Variants in TTC39B observed in about 807,000 individuals in gnomAD.
TTC39B encodes tetratricopeptide repeat domain 39B, also known as tetratricopeptide repeat protein 39B.
Under a neutral mutation model 96.6 loss-of-function variants are expected in TTC39B, and 92 were observed. That is an observed-to-expected ratio of 0.95 (90% confidence interval 0.80 to 1.13). The LOEUF (loss-of-function observed/expected upper bound fraction) is 1.13. Ranked by LOEUF, TTC39B falls within the 50% of genes most tolerant of loss-of-function variation. The pLI is 0.00. For missense variants in TTC39B, 955 were observed against 809.3 expected (o/e 1.18, Z -2.18); for synonymous variants, 367 against 299.4 (o/e 1.23, Z -2.33).
intron 2 of TTC39B, among the ~76,000 whole-genome samples, chr9:15,255,197 T>G (rs1290405733): frequency 6.6e-6 from 1 of 152,094 alleles, no homozygotes; most frequent in African/African-American, 2.4e-5. Flanking sequence ...TCCCCAAATA[T>G]CTCTTCAGTT....
In TTC39B at chr9:15,167,018, A is replaced by AT. The variant is rs1817539388; in HGVS notation, c.*5000dup. The AT allele has an allele frequency of 5.9e-4, 4 of 6,786 alleles. 1 individual carries two copies. Among genetic ancestry groups the AT allele is most frequent in the African/African-American group, 3.3e-3 (4 of 1,230 alleles). The allele number at this position is 6,786 out of a possible 1,614,324, so 0.4% of individuals were successfully genotyped here. A position where few individuals can be genotyped will look rare whatever the true frequency, so the allele number is the denominator to read the frequency against. On this transcript the variant is annotated 3_prime_UTR_variant, in exon 20 of 20. Coordinates refer to ENST00000512701, the Ensembl canonical transcript of TTC39B. The stretch of plus-strand genomic sequence containing the variant: ...TATATATATATATATATATATATAT[A>AT]TATATATATATTTTTTTTTTTTTTT...
intron 10 of TTC39B, 91 bp downstream of exon 10, chr9:15,191,099 G>A (rs535705395): frequency 2.4e-6 from 2 of 848,764 alleles, no homozygotes; most frequent in South Asian, 3.2e-5. Context: ...TAATTATCAA[G>A]GTAGTTATGC....
chr9:15,299,311 C>G (rs907399833), intron 1 of TTC39B, among the ~76,000 whole-genome samples: 1 of 152,164 alleles, frequency 6.6e-6, no homozygotes, highest in South Asian at 2.1e-4. Flanking sequence ...ACCAAGGGGA[C>G]ACATCCACAG....
intron 1 of TTC39B, among the ~76,000 whole-genome samples, chr9:15,290,952 G>A (rs142232076): frequency 2.6e-5 from 4 of 152,272 alleles, no homozygotes; most frequent in East Asian, 1.9e-4. Flanking sequence ...TGGGTTATAC[G>A]TAAAAGGAGT....
At chr9:15,191,366 C>T in intron 9 of TTC39B, 111 bp from the exon 10 acceptor site, 1 of 669,664 alleles carries the variant, frequency 1.5e-6, no homozygotes, top group Non-Finnish European at 2.5e-6. Context: ...AAATTGGGAA[C>T]AAGTTTTAAC....
At chr9:15,183,332 T>C (rs1818342588) in intron 16 of TTC39B, 1 of 431,088 alleles carries the variant, frequency 2.3e-6, no homozygotes, top group African/African-American at 2.1e-5. Flanking sequence ...TTCAATTCAA[T>C]AACAGAATCT....
chr9:15,207,281 C>A (rs1192955244), intron 6 of TTC39B, among the ~76,000 whole-genome samples: 1 of 152,180 alleles, frequency 6.6e-6, no homozygotes, highest in African/African-American at 2.4e-5. Context: ...ATTACAGGCA[C>A]AAGCCACCAG....
chr9:15,204,400 A>G (rs1201178551), intron 6 of TTC39B, among the ~76,000 whole-genome samples: 6 of 152,018 alleles, frequency 3.9e-5, no homozygotes, highest in Admixed American at 2.6e-4. Flanking sequence ...GTGGTGGCAC[A>G]TGCCTGTAAT....
chr9:15,275,542 T>G (rs1823510351), intron 1 of TTC39B, among the ~76,000 whole-genome samples: 1 of 152,210 alleles, frequency 6.6e-6, no homozygotes, highest in East Asian at 1.9e-4. Flanking sequence ...CGCCAAGCGC[T>G]AGTGAAACTG....
intron 1 of TTC39B, among the ~76,000 whole-genome samples, chr9:15,272,034 C>T (rs886128878): frequency 5.9e-5 from 9 of 152,198 alleles, no homozygotes; most frequent in Admixed American, 2.0e-4. Context: ...GCAGAGACTG[C>T]TCATGCATCT....
intron 1 of TTC39B, among the ~76,000 whole-genome samples, chr9:15,292,184 G>A (rs866924131): frequency 2.0e-4 from 30 of 152,320 alleles, no homozygotes; most frequent in African/African-American, 7.2e-4. Flanking sequence ...AGAAGGAATA[G>A]TTCTTCTCAA....
chr9:15,201,757 CG>C (rs972165134), intron 7 of TTC39B, among the ~76,000 whole-genome samples: 8 of 151,994 alleles, frequency 5.3e-5, no homozygotes, highest in African/African-American at 1.9e-4. Flanking sequence ...CTGTAAGGTG[CG>C]GGGGGCGGGT....
chr9:15,280,638 G>A (rs975449384), intron 1 of TTC39B, among the ~76,000 whole-genome samples: 3 of 152,184 alleles, frequency 2.0e-5, no homozygotes, highest in African/African-American at 7.2e-5. Flanking sequence ...GCTTAGCTGA[G>A]ACCACCAAGC....
chr9:15,283,648 A>G (rs532925820), intron 1 of TTC39B, among the ~76,000 whole-genome samples: 1 of 152,378 alleles, frequency 6.6e-6, no homozygotes, highest in African/African-American at 2.4e-5. Flanking sequence ...TGCCCTGAAA[A>G]ATTGAAACTA....
chr9:15,186,799 A>C (rs572930678), intron 15 of TTC39B, 145 bp downstream of exon 15: 27 of 706,374 alleles, frequency 3.8e-5, no homozygotes, highest in Non-Finnish European at 6.2e-5. Flanking sequence ...AGGCTTAAGC[A>C]ATCCTCCCAC....
At chr9:15,200,536 G>A (rs1002847148) in intron 7 of TTC39B, among the ~76,000 whole-genome samples, 4 of 152,174 alleles carry the variant, frequency 2.6e-5, no homozygotes, top group African/African-American at 9.7e-5. Flanking sequence ...ATAAAATTGA[G>A]GCTGTTGGCC....
chr9:15,189,765 G>C, exon 12 of TTC39B: 1 of 1,613,164 alleles, frequency 6.2e-7, no homozygotes, highest in Non-Finnish European at 8.5e-7. Flanking sequence ...GAGACGCTCT[G>C]CTTCCGCAAC....
At chr9:15,225,784 T>C (rs912947134) in intron 3 of TTC39B, 133 bp downstream of exon 3, 3 of 596,328 alleles carry the variant, frequency 5.0e-6, no homozygotes, top group African/African-American at 3.7e-5. Flanking sequence ...ATGGGCACTC[T>C]ACTTGCCTAG....
At chr9:15,258,800 T>C (rs1463324965) in intron 2 of TTC39B, among the ~76,000 whole-genome samples, 1 of 152,148 alleles carries the variant, frequency 6.6e-6, no homozygotes, top group Non-Finnish European at 1.5e-5. Context: ...ACCTCCTTGG[T>C]AAGATGAGAT....
Sources: gnomAD v4.1 joint callset for allele counts (sites outside exome capture counted in the v4.1 genomes callset) on GRCh38, gnomAD v4.1.1 for gene constraint, MANE v1.5 for transcripts, NCBI Gene and HGNC (gene_info 2026-07-23, HGNC 2026-07-21) for gene names.